ARNT: variants seen among roughly 807,000 people sequenced by gnomAD.
The protein encoded by ARNT is class E basic helix-loop-helix protein 2.
A neutral mutation model predicts 105.0 loss-of-function variants in ARNT; 30 were observed. The ratio of observed to expected loss-of-function variants is 0.29; its 90% CI spans 0.21 to 0.39. The LOEUF is 0.39. ARNT is among the 10% of genes least tolerant of loss of function. ARNT has a pLI of 1.00. For synonymous variants in ARNT, 304 were observed against 344.0 expected, an observed-to-expected ratio of 0.88 and a Z score of 1.29; for missense variants, 748 against 978.7, an observed-to-expected ratio of 0.76 and a Z score of 3.15.
At chr1:150,875,266 A>C (rs761683931) in intron 1 of ARNT, among the ~76,000 whole-genome samples, 1 of 152,178 alleles carries the variant, frequency 6.6e-6, no homozygotes, top group Non-Finnish European at 1.5e-5. Flanking sequence ...CTTCAAAAAA[A>C]ATTTAAAAGA....
Position 150,810,566 on chromosome 1 carries a change from T to C in ARNT, c.*1455A>G, listed in dbSNP as rs10305755. ...GCCACCCTTGCTCCTCAGTCCCCTA[T>C]GACTACATTTAATATATCTTCTCAT... On this transcript the variant is annotated 3_prime_UTR_variant, in exon 22 of 22. Coordinates refer to ENST00000358595, the MANE Select transcript of ARNT (RefSeq NM_001668.4). The C allele has an allele frequency of 2.0e-3, 437 of 217,224 alleles. 2 individuals carry two copies. Among genetic ancestry groups the C allele is most frequent in the African/African-American group, 9.1e-3 (402 of 44,284 alleles). The allele number at this position is 217,224 out of a possible 1,614,324, so 13.5% of individuals were successfully genotyped here. A position where few individuals can be genotyped will look rare whatever the true frequency, so the allele number is the denominator to read the frequency against.
At chr1:150,830,608 C>T (rs1015547149) in intron 10 of ARNT, among the ~76,000 whole-genome samples, 1 of 152,142 alleles carries the variant, frequency 6.6e-6, no homozygotes, top group African/African-American at 2.4e-5. Context: ...ATGAAGACAT[C>T]CATTCTATGA....
intron 2 of ARNT, 101 bp downstream of exon 2, chr1:150,858,248 G>T: frequency 2.5e-6 from 2 of 813,484 alleles, no homozygotes; most frequent in Non-Finnish European, 4.0e-6. Flanking sequence ...GTTGAAGTGA[G>T]ATGGTCAGGA....
chr1:150,846,351 A>G lies in ARNT; in HGVS notation c.183-44T>C, dbSNP rs189462702. On this transcript the variant is annotated intron_variant, in intron 3 of 21. Transcript: ENST00000358595. ...ATTGTTTCAAAGCATTACACTTGTT[A>G]TATCTATTTCACTCTGAAAAGTAAA... 1.7e-4 allele frequency: 266 copies of G among 1,593,376 alleles called. No individual in the cohort carries two copies. In the African/African-American group the frequency reaches 3.3e-3, roughly 20 times the overall value.
chr1:150,861,206 C>A, intron 1 of ARNT: 1 of 310,972 alleles, frequency 3.2e-6, no homozygotes, highest in Non-Finnish European at 6.4e-6. Context: ...ATGGAGATGC[C>A]TCCAAAAATT....
In ARNT at chr1:150,811,458, G is replaced by GCA. The variant is rs58630631; in HGVS notation, c.*561_*562dup. On this transcript the variant is annotated 3_prime_UTR_variant, in exon 22 of 22. Transcript: ENST00000358595. ...GAGTGAAATACAGAAGCATGTGTGCGCACACACACACACACACACATACAC... is the reference window on the plus strand; with the variant it reads ...GAGTGAAATACAGAAGCATGTGTGCGCACACACACACACACACACACATACAC... 0.014 allele frequency: 3,074 copies of GCA among 219,180 alleles called. 7 individuals carry two copies. Among genetic ancestry groups the GCA allele is most frequent in the East Asian group, 0.025 (353 of 14,044 alleles). 13.6% of individuals were successfully genotyped at this position (219,180 alleles called of 1,614,324 possible).
chr1:150,815,712 A>C (rs1655697053), intron 19 of ARNT, among the ~76,000 whole-genome samples: 1 of 151,428 alleles, frequency 6.6e-6, no homozygotes, highest in South Asian at 2.1e-4. Context: ...ACAAAAAAAA[A>C]AAATTAGGCG....
chr1:150,812,122 A>T lies in ARNT; in HGVS notation c.2281-12T>A, dbSNP rs755718188. Reference sequence around the variant, plus strand: ...ATGGACAGCATCTCCTGATAAAAGAAAAAGATTAAGTTTGGGTCACACACC... The same window carrying T: ...ATGGACAGCATCTCCTGATAAAAGATAAAGATTAAGTTTGGGTCACACACC... On this transcript the variant is annotated splice_polypyrimidine_tract_variant and intron_variant, in intron 21 of 21. Transcript: ENST00000358595. 1.3e-6 allele frequency: 2 copies of T among 1,552,310 alleles called. No homozygotes were observed. Among genetic ancestry groups the T allele is most frequent in the Non-Finnish European group, 1.7e-6 (2 of 1,146,490 alleles).
chr1:150,817,913 T>C lies in ARNT; in HGVS notation c.1505+7A>G. On this transcript the variant is annotated splice_region_variant and intron_variant, in intron 15 of 21. Transcript: ENST00000358595. The stretch of plus-strand genomic sequence containing the variant: ...GCTCAACAGATGATTATTTCACCCT[T>C]TTTTACCTGGGTGCCAGCTGTCCTG... 6.2e-7 allele frequency: 1 copy of C among 1,603,248 alleles called. No individual in the cohort carries two copies. The highest frequency in any genetic ancestry group is 8.5e-7 in the Non-Finnish European group (1 of 1,172,304).
intron 1 of ARNT, among the ~76,000 whole-genome samples, chr1:150,868,284 G>C (rs1666924726): frequency 6.6e-6 from 1 of 151,872 alleles, no homozygotes; most frequent in South Asian, 2.1e-4. Flanking sequence ...GCAAGACCCT[G>C]TCTCAAAAAA....
intron 1 of ARNT, among the ~76,000 whole-genome samples, chr1:150,867,140 G>C (rs1273714397): frequency 6.6e-6 from 1 of 152,006 alleles, no homozygotes; most frequent in East Asian, 1.9e-4. Context: ...GGAGGCGGAG[G>C]CTGCGGTGAG....
chr1:150,849,595 G>C (rs183149807), intron 3 of ARNT, among the ~76,000 whole-genome samples: 22 of 152,268 alleles, frequency 1.4e-4, no homozygotes, highest in Admixed American at 1.4e-3. Context: ...AGACCAGCCT[G>C]GGCAACATCA....
At chr1:150,833,197 G>C (rs1212724991) in intron 8 of ARNT, among the ~76,000 whole-genome samples, 1 of 152,096 alleles carries the variant, frequency 6.6e-6, no homozygotes, top group Admixed American at 6.5e-5. Flanking sequence ...CAGCAGTCTG[G>C]GTCTAGAAGC....
chr1:150,853,239 C>A, intron 2 of ARNT: 1 of 360,530 alleles, frequency 2.8e-6, no homozygotes, highest in Non-Finnish European at 5.4e-6. Flanking sequence ...CAAGATCGCA[C>A]CATTGCACTC....
chr1:150,839,836 G>C (rs1022563548), intron 5 of ARNT, among the ~76,000 whole-genome samples, 182 bp from the exon 6 acceptor site: 2 of 152,170 alleles, frequency 1.3e-5, no homozygotes, highest in African/African-American at 2.4e-5. Flanking sequence ...GCATGAAACA[G>C]AACTAATAAG....
chr1:150,864,693 C>T (rs1019195558), intron 1 of ARNT, among the ~76,000 whole-genome samples: 1 of 146,930 alleles, frequency 6.8e-6, no homozygotes, highest in Non-Finnish European at 1.5e-5. Flanking sequence ...AGCGCACCAG[C>T]ATGGCACATG....
intron 14 of ARNT, 45 bp downstream of exon 14, chr1:150,823,149 G>T: frequency 6.8e-7 from 1 of 1,463,584 alleles, no homozygotes; most frequent in Non-Finnish European, 9.2e-7. Context: ...TCTGTTGTGA[G>T]AACAGAGGAA....
Position 150,812,024 on chromosome 1 carries a change from T to G in ARNT, c.2367A>C (p.Glu789Asp), listed in dbSNP as rs774021972. The G allele has an allele frequency of 2.6e-6, 4 of 1,553,686 alleles. No individual in the cohort carries two copies. In the African/African-American group the frequency reaches 4.1e-5, roughly 16 times the overall value. The change falls in exon 22 of 22, where the codon GAA becomes GAC. Residue 789 changes from glutamate (E) to aspartate (D), a missense_variant. Glu to Asp is a conservative substitution (Grantham distance 45). Around this residue, in one of 4 missense-constraint regions of ARNT, gnomAD observed 360 missense variants for 411.9 expected, o/e 0.87. Coordinates refer to ENST00000358595, the MANE Select transcript of ARNT (RefSeq NM_001668.4). ...PDLTMFPPFS[E>D] ...CCTTATCCTCACCCCAATAGTTCTA[T>G]TCTGAAAAGGGGGGAAACATAGTTA...
At chr1:150,834,672 G>T (rs1375876720) in intron 7 of ARNT, 32 bp from the exon 8 acceptor site, 1 of 1,590,048 alleles carries the variant, frequency 6.3e-7, no homozygotes. Flanking sequence ...AGTCTGGAGT[G>T]CATTTTTGTG....
Sources: allele counts gnomAD v4.1 joint callset (sites outside exome capture counted in the v4.1 genomes callset), GRCh38; gene constraint gnomAD v4.1.1; regional missense constraint gnomAD v4.1.1; transcripts MANE v1.5; gene names NCBI Gene and HGNC (gene_info 2026-07-23, HGNC 2026-07-21).